The following TIMM21 variants were observed in gnomAD, a reference collection of about 807,000 sequenced individuals.
The protein encoded by TIMM21 is mitochondrial import inner membrane translocase subunit Tim21.
TIMM21 carries 30 observed loss-of-function variants against 27.7 expected under a neutral mutation model. That is an observed-to-expected ratio of 1.08 (90% CI 0.81 to 1.47). The LOEUF (loss-of-function observed/expected upper bound fraction) is 1.47, where lower values mean the gene tolerates loss of function less well. Among genes scored for constraint, TIMM21 ranks in the 40% most tolerant of loss-of-function variants. The pLI is 0.00. For missense variants in TIMM21, 292 were observed against 302.9 expected, an observed-to-expected ratio of 0.96 and a Z score of 0.27; for synonymous variants, 121 against 114.4, an observed-to-expected ratio of 1.06 and a Z score of -0.37.
Position 74,152,631 on chromosome 18 carries a change from C to T in TIMM21, c.302-2514C>T, listed in dbSNP as rs1029397120. ...ACAGGTGCTGTCAGTACCCCCCTAC[C>T]ACCAGGGACAGGGTCCTCATTGCCA... On this transcript the variant is annotated intron_variant, in intron 1 of 5. Transcript: ENST00000169551. The surrounding 1 kb of genome is among the most constrained non-coding windows in gnomAD (Gnocchi z 4.1). 1.3e-5 allele frequency among the ~76,000 whole-genome samples: 2 copies of T among 152,228 alleles called. No individual in the cohort carries two copies. The highest frequency in any genetic ancestry group is 4.8e-5 in the African/African-American group (2 of 41,452).
At chr18:74,155,083 A>G in intron 1 of TIMM21, 62 bp from the exon 2 acceptor site, 1 of 1,533,580 alleles carries the variant, frequency 6.5e-7, no homozygotes, top group Admixed American at 1.7e-5. Flanking sequence ...GTGCAAAAGC[A>G]GCAGACAAGC....
rs1030465806 is a variant in TIMM21 at position 74,158,644 on chromosome 18, G to A, written c.*164G>A. 25 of 558,316 alleles carry A rather than the reference G, an allele frequency of 4.5e-5. No homozygotes were observed. Among genetic ancestry groups the A allele is most frequent in the Admixed American group, 3.0e-4 (8 of 26,920 alleles). 34.6% of individuals were successfully genotyped at this position (558,316 alleles called of 1,614,324 possible). A position where few individuals can be genotyped will look rare whatever the true frequency, so the allele number is the denominator to read the frequency against. On this transcript the variant is annotated 3_prime_UTR_variant, in exon 6 of 6. Transcript: ENST00000169551. ...TTAAACAAACTAGACATTTTCTTAC[G>A]GAAAAATTATGAAATACAGCATATT...
Position 74,159,482 on chromosome 18 carries a change from A to G in TIMM21, c.*1002A>G, listed in dbSNP as rs868535968. ...ATGTGTTTGTTCCTTCTCCCCGAGA[A>G]CTGTCTGTAGAGGAATTTCTGATGT... On this transcript the variant is annotated 3_prime_UTR_variant, in exon 6 of 6. Coordinates refer to ENST00000169551, the MANE Select transcript of TIMM21 (RefSeq NM_014177.3). 1 of 151,848 alleles carries G rather than the reference A, an allele frequency of 6.6e-6. No individual in the cohort carries two copies. The highest frequency in any genetic ancestry group is 2.4e-5 in the African/African-American group (1 of 41,332). 9.4% of individuals were successfully genotyped at this position (151,848 alleles called of 1,614,324 possible).
chr18:74,149,553 T>A (rs1158516006), intron 1 of TIMM21, among the ~76,000 whole-genome samples: 1 of 152,110 alleles, frequency 6.6e-6, no homozygotes, highest in African/African-American at 2.4e-5. Context: ...TTTAAGATTT[T>A]TTTTTAATGT....
Position 74,158,233 on chromosome 18 carries a change from C to G in TIMM21, c.599C>G (p.Ser200Cys), listed in dbSNP as rs1310653532. Reference sequence around the variant, plus strand: ...TGTGTGAAATTCTACATTGAGGGCTCTGAGCCAGGGAAGCAAGGAACGGTG... The same window carrying G: ...TGTGTGAAATTCTACATTGAGGGCTGTGAGCCAGGGAAGCAAGGAACGGTG... ...HTCVKFYIEG[S>C]EPGKQGTVYA... The change falls in exon 5 of 6, where the codon TCT becomes TGT. Residue 200 changes from serine (S) to cysteine (C), a missense_variant. By Grantham distance (112) the Ser-to-Cys change is moderately radical (BLOSUM62 -1). Coordinates refer to ENST00000169551, the MANE Select transcript of TIMM21 (RefSeq NM_014177.3). The G allele has an allele frequency of 2.5e-6, 4 of 1,614,164 alleles. No individual in the cohort carries two copies. In the South Asian group the frequency reaches 4.4e-5, roughly 18 times the overall value.
At position 74,159,129 on chromosome 18, in the gene TIMM21, A is replaced by G. The variant is rs12607129; in HGVS notation, c.*649A>G. On this transcript the variant is annotated 3_prime_UTR_variant, in exon 6 of 6. Coordinates refer to ENST00000169551, the MANE Select transcript of TIMM21 (RefSeq NM_014177.3). ...CTGTTGTGTGGGTTGTTAGGATGGCAGTGTGATGAGAGGTACAAGCCTGGA... is the reference window on the plus strand; with the variant it reads ...CTGTTGTGTGGGTTGTTAGGATGGCGGTGTGATGAGAGGTACAAGCCTGGA... The G allele has an allele frequency of 0.044, 6,745 of 153,420 alleles. 206 individuals carry two copies. Among genetic ancestry groups the G allele is most frequent in the East Asian group, 0.12 (616 of 5,190 alleles). The allele number at this position is 153,420 out of a possible 1,614,324, so 9.5% of individuals were successfully genotyped here.
In TIMM21 at chr18:74,148,576, GA is replaced by G; in HGVS notation, c.-232del. ...CACTGTGAATGTCAGCCCAGAAGGT[GA>G]TCAGAGCCTGTTAATTAAAATGGAA... On this transcript the variant is annotated 5_prime_UTR_variant, in exon 1 of 6. It removes the in-frame stop codon of an upstream open reading frame in the 5' UTR. Coordinates refer to ENST00000169551, the MANE Select transcript of TIMM21 (RefSeq NM_014177.3). The G allele has an allele frequency of 2.2e-6, 1 of 451,176 alleles. No individual in the cohort carries two copies. Among genetic ancestry groups the G allele is most frequent in the Non-Finnish European group, 4.0e-6 (1 of 250,466 alleles). 27.9% of individuals were successfully genotyped at this position (451,176 alleles called of 1,614,324 possible).
rs1980041283 is a variant in TIMM21 at position 74,159,276 on chromosome 18, TAAA to T, written c.*797_*799del. 2 of 119,090 alleles carry T rather than the reference TAAA, an allele frequency of 1.7e-5. No homozygotes were observed. The highest frequency in any genetic ancestry group is 5.4e-4 in the South Asian group (2 of 3,670). 7.4% of individuals were successfully genotyped at this position (119,090 alleles called of 1,614,324 possible). A position where few individuals can be genotyped will look rare whatever the true frequency, so the allele number is the denominator to read the frequency against. ...ATTCAAATACGTGTGTGAGGCCCCT[TAAA>T]GAAAAAAAAAAAAAAAAAGGAAATT... On this transcript the variant is annotated 3_prime_UTR_variant, in exon 6 of 6. Transcript: ENST00000169551.
chr18:74,154,652 C>G (rs1979901640), intron 1 of TIMM21, among the ~76,000 whole-genome samples: 1 of 152,188 alleles, frequency 6.6e-6, no homozygotes, highest in Admixed American at 6.5e-5. Context: ...AAACAAATGT[C>G]TGGTCTGTGC....
Position 74,158,065 on chromosome 18 carries a change from C to G in TIMM21, c.514C>G (p.Arg172Gly). 6.2e-7 allele frequency: 1 copy of G among 1,614,142 alleles called. No homozygotes were observed. Among genetic ancestry groups the G allele is most frequent in the Non-Finnish European group, 8.5e-7 (1 of 1,180,036 alleles). ...TAAAGGCTATGGGGAGGTGACAAGG[C>G]GGGGTCGCCGGCAGCATGTCAGGTA... ...SVKGYGEVTRRGRRQHVRFTE... is the reference protein window; with the variant it reads ...SVKGYGEVTRGGRRQHVRFTE... Residue 172 changes from arginine to glycine, a missense_variant, in exon 4 of 6, where the codon CGG becomes GGG. Transcript: ENST00000169551.
chr18:74,154,483 G>T (rs185783460), intron 1 of TIMM21, among the ~76,000 whole-genome samples: 1 of 151,750 alleles, frequency 6.6e-6, no homozygotes, highest in Non-Finnish European at 1.5e-5. Context: ...GGATGGTCTC[G>T]ATCTCCTGAC....
At position 74,159,535 on chromosome 18, in the gene TIMM21, TAGAG is replaced by T. The variant is rs1263425088; in HGVS notation, c.*1059_*1062del. 1.3e-5 allele frequency: 2 copies of T among 152,122 alleles called. No homozygotes were observed. Among genetic ancestry groups the T allele is most frequent in the Non-Finnish European group, 2.9e-5 (2 of 68,020 alleles). 9.4% of individuals were successfully genotyped at this position (152,122 alleles called of 1,614,324 possible). ...TCTTGAAATTTTGGGATATTCAGGA[TAGAG>T]AGACCTCCAGGCAATCTATCTCCCC... On this transcript the variant is annotated 3_prime_UTR_variant, in exon 6 of 6. Transcript: ENST00000169551.
In TIMM21 at chr18:74,159,652, T is replaced by C. The variant is rs562526824; in HGVS notation, c.*1172T>C. ...TTTTTAATTATAAAAATTTCCAACA[T>C]TTAAGGAGTATAGAAAATATAACAG... On this transcript the variant is annotated 3_prime_UTR_variant, in exon 6 of 6. Transcript: ENST00000169551. 2.0e-5 allele frequency: 3 copies of C among 152,304 alleles called. No homozygotes were observed. The East Asian group carries it at 5.8e-4, about 29-fold the overall frequency. The allele number at this position is 152,304 out of a possible 1,614,324, so 9.4% of individuals were successfully genotyped here.
chr18:74,157,580 C>T (rs1979983333), intron 3 of TIMM21: 1 of 155,440 alleles, frequency 6.4e-6, no homozygotes, highest in Non-Finnish European at 1.4e-5. Context: ...TTGGAGTGGT[C>T]ATTTTTTTAT....
chr18:74,149,153 C>G, intron 1 of TIMM21, 44 bp downstream of exon 1: 1 of 1,564,426 alleles, frequency 6.4e-7, no homozygotes, highest in Non-Finnish European at 8.7e-7. Flanking sequence ...ACAGACATGA[C>G]AAGAGCTGCC....
Position 74,148,689 on chromosome 18 carries a change from A to G in TIMM21, c.-120A>G. 2 of 1,021,868 alleles carry G rather than the reference A, an allele frequency of 2.0e-6. No individual in the cohort carries two copies. The highest frequency in any genetic ancestry group is 1.4e-6 in the Non-Finnish European group (1 of 700,050). The allele number at this position is 1,021,868 out of a possible 1,614,324, so 63.3% of individuals were successfully genotyped here. A position where few individuals can be genotyped will look rare whatever the true frequency, so the allele number is the denominator to read the frequency against. On this transcript the variant is annotated 5_prime_UTR_variant, in exon 1 of 6. Transcript: ENST00000169551. ...CTGCGGAAACTGACGTTTTTGCCTA[A>G]CACCCCATGTAATGTAAACGTATAG...
chr18:74,158,422 T>C lies in TIMM21; in HGVS notation c.689T>C (p.Ile230Thr), dbSNP rs1208387448. Residue 230 changes from isoleucine (I) to threonine (T), a missense_variant, in exon 6 of 6, where the codon ATT becomes ACT. Coordinates refer to ENST00000169551, the MANE Select transcript of TIMM21 (RefSeq NM_014177.3). Reference sequence around the variant, plus strand: ...GATTTTCGATATATATTTGTAGAAATTGAATCTTATCCTAGAAGAACTATT... The same window carrying C: ...GATTTTCGATATATATTTGTAGAAACTGAATCTTATCCTAGAAGAACTATT... ...EYDFRYIFVE[I>T]ESYPRRTIII... is the part of the protein sequence containing the mutation. 2 of 1,605,616 alleles carry C rather than the reference T, an allele frequency of 1.2e-6. No homozygotes were observed. The highest frequency in any genetic ancestry group is 2.2e-5 in the South Asian group (2 of 90,720).
chr18:74,149,114 A>C lies in TIMM21; in HGVS notation c.301+5A>C. The C allele has an allele frequency of 6.2e-7, 1 of 1,605,402 alleles. No homozygotes were observed. Among genetic ancestry groups the C allele is most frequent in the South Asian group, 1.1e-5 (1 of 90,858 alleles). Reference sequence around the variant, plus strand: ...CCGTCCCAACATCACAAAAAGGTAAAAAGGAGTACTTTAATGATTGGGCTT... The same window carrying C: ...CCGTCCCAACATCACAAAAAGGTAACAAGGAGTACTTTAATGATTGGGCTT... On this transcript the variant is annotated splice_donor_5th_base_variant and intron_variant, in intron 1 of 5. Coordinates refer to ENST00000169551, the MANE Select transcript of TIMM21 (RefSeq NM_014177.3).
At chr18:74,157,030 TACTC>T (rs1979969560) in intron 3 of TIMM21, 1 of 152,228 alleles carries the variant, frequency 6.6e-6, no homozygotes, top group African/African-American at 2.4e-5. Context: ...ATACTGAAGA[TACTC>T]CACAAACAGA....
Sources: gnomAD v4.1 joint callset for allele counts (sites outside exome capture counted in the v4.1 genomes callset) on GRCh38, gnomAD v4.1.1 for gene constraint, Gnocchi (gnomAD v3.1) non-coding constraint, MANE v1.5 for transcripts, NCBI Gene and HGNC (gene_info 2026-07-23, HGNC 2026-07-21) for gene names.